Variants in CEP19 observed in about 807,000 individuals in gnomAD.
CEP19 encodes the protein centrosomal protein of 19 kDa.
In CEP19, 14 loss-of-function variants were observed where a neutral mutation model predicts 17.5. That is an observed-to-expected ratio of 0.80 (90% CI 0.53 to 1.25). The LOEUF (loss-of-function observed/expected upper bound fraction) is 1.25. Ranked by LOEUF, CEP19 falls within the 50% of genes most tolerant of loss-of-function variation. The pLI, the probability that CEP19 is intolerant of heterozygous loss-of-function variation, is 0.00. For missense variants in CEP19, 193 were observed against 192.0 expected (o/e 1.01, Z -0.03); for synonymous variants, 59 against 65.5 (o/e 0.90, Z 0.48).
intron 1 of CEP19, chr3:196,709,007 G>A (rs1363825111): frequency 4.8e-6 from 1 of 210,152 alleles, no homozygotes; most frequent in Non-Finnish European, 9.5e-6. Context: ...GTTCAGCTTG[G>A]CCCTGGGTTA....
chr3:196,711,379 G>A (rs1296941895), intron 1 of CEP19, among the ~76,000 whole-genome samples: 1 of 151,386 alleles, frequency 6.6e-6, no homozygotes, highest in Non-Finnish European at 1.5e-5. Flanking sequence ...AGGCTGCAGT[G>A]CAGTGGCGTG....
At chr3:196,708,226 G>C (rs1469629844) in intron 2 of CEP19, among the ~76,000 whole-genome samples, 1 of 152,164 alleles carries the variant, frequency 6.6e-6, no homozygotes, top group Non-Finnish European at 1.5e-5. Context: ...ATAGCTTTTA[G>C]ATAGCAGTAG....
chr3:196,710,438 G>C (rs9875088), intron 1 of CEP19, among the ~76,000 whole-genome samples: 47,791 of 151,786 alleles, frequency 0.31, 7,809 homozygotes, highest in Non-Finnish European at 0.34. Context: ...CCAGCTACTC[G>C]AGAGGCCAAG....
chr3:196,709,343 C>T (rs1711661513), intron 1 of CEP19, among the ~76,000 whole-genome samples: 1 of 152,058 alleles, frequency 6.6e-6, no homozygotes, highest in South Asian at 2.1e-4. Flanking sequence ...AGTTTTTTGT[C>T]ATTATTTATT....
rs766085159 is a variant in CEP19 at position 196,707,887 on chromosome 3, T to C, written c.156A>G (p.Leu52=). 1.9e-6 allele frequency: 3 copies of C among 1,612,104 alleles called. No homozygotes were observed. Among genetic ancestry groups the C allele is most frequent in the African/African-American group, 2.7e-5 (2 of 75,044 alleles). The part of the protein sequence containing the change: ...FSDCTRAAEQ[L]KNNPRHKSYL... ...AACTCTTGTGTCGCGGATTATTCTT[T>C]AATTGTTCAGCAGCTCTGGTGCAAT... The change falls in exon 3 of 3, where the codon TTA becomes TTG. Residue 52 remains leucine, a synonymous_variant. Coordinates refer to ENST00000409690, the MANE Select transcript of CEP19 (RefSeq NM_032898.5).
In CEP19 at chr3:196,707,602, G is replaced by T; in HGVS notation, c.441C>A (p.Asp147Glu). Residue 147 changes from aspartate (D) to glutamate (E), a missense_variant, in exon 3 of 3, where the codon GAC becomes GAA. Transcript: ENST00000409690. ...CCCAGCCACAGGACTGCAGTTGATC[G>T]TCCTGTGGAAATTCAACCTCAATGT... Reference protein sequence around the residue: ...VYDIEVEFPQDDQLQSCGWDT... With the variant: ...VYDIEVEFPQEDQLQSCGWDT... The T allele has an allele frequency of 6.2e-7, 1 of 1,613,478 alleles. No homozygotes were observed. The highest frequency in any genetic ancestry group is 1.1e-5 in the South Asian group (1 of 91,066).
Position 196,706,562 on chromosome 3 carries a change from G to A in CEP19, c.*989C>T, listed in dbSNP as rs1334321081. On this transcript the variant is annotated 3_prime_UTR_variant, in exon 3 of 3. Coordinates refer to ENST00000409690, the MANE Select transcript of CEP19 (RefSeq NM_032898.5). The stretch of plus-strand genomic sequence containing the variant: ...AGTATGTATTTCCCGATACCGGAGG[G>A]GCAGAATTCCCCCTCTGTCCATCAA... 1.3e-5 allele frequency: 2 copies of A among 151,990 alleles called. No homozygotes were observed. The highest frequency in any genetic ancestry group is 2.9e-5 in the Non-Finnish European group (2 of 68,014). 9.4% of individuals were successfully genotyped at this position (151,990 alleles called of 1,614,324 possible). A position where few individuals can be genotyped will look rare whatever the true frequency, so the allele number is the denominator to read the frequency against.
At chr3:196,711,546 G>A (rs373676340) in intron 1 of CEP19, among the ~76,000 whole-genome samples, 5 of 152,098 alleles carry the variant, frequency 3.3e-5, no homozygotes, top group Admixed American at 1.3e-4. Flanking sequence ...GGCTGGTCTC[G>A]AACTCCTGAC....
intron 1 of CEP19, among the ~76,000 whole-genome samples, chr3:196,710,485 CA>C (rs1371065556): frequency 7.9e-5 from 12 of 152,230 alleles, no homozygotes; most frequent in Admixed American, 7.9e-4. Flanking sequence ...GCGGAGGTTG[CA>C]GTGAGCTGAG....
rs1440828993 is a variant in CEP19, at chr3:196,706,439, C to G, written c.*1112G>C. 6.6e-6 allele frequency: 1 copy of G among 152,222 alleles called. No individual in the cohort carries two copies. The highest frequency in any genetic ancestry group is 1.5e-5 in the Non-Finnish European group (1 of 68,038). 9.4% of individuals were successfully genotyped at this position (152,222 alleles called of 1,614,324 possible). ...AGATCCATTCATGAACAGGCCTAAA[C>G]TGGCAGTGCCTATTGTTCATTTATT... On this transcript the variant is annotated 3_prime_UTR_variant, in exon 3 of 3. Transcript: ENST00000409690.
rs12635551 is a variant in CEP19 at position 196,707,134 on chromosome 3, G to A, written c.*417C>T. 0.11 allele frequency: 16,209 copies of A among 153,494 alleles called. 1,964 individuals carry two copies. Among genetic ancestry groups the A allele is most frequent in the East Asian group, 0.56 (2,890 of 5,186 alleles). 9.5% of individuals were successfully genotyped at this position (153,494 alleles called of 1,614,324 possible). A position where few individuals can be genotyped will look rare whatever the true frequency, so the allele number is the denominator to read the frequency against. ...CAACCTCAGCCTCCCAGGTTCAAGC[G>A]AATCTCCTGCCTCAGCCTCCTGAGT... is the stretch of plus-strand genomic sequence containing the variant. On this transcript the variant is annotated 3_prime_UTR_variant, in exon 3 of 3. Transcript: ENST00000409690.
Position 196,707,568 on chromosome 3 carries a change from A to T in CEP19, c.475T>A (p.Ser159Thr), listed in dbSNP as rs1282301973. ...QLQSCGWDTE[S>T]ADEF ...GTTTGGTATCAGAACTCATCAGCTG[A>T]CTCTGTGTCCCAGCCACAGGACTGC... The change falls in exon 3 of 3, where the codon TCA (serine) becomes ACA (threonine). Residue 159 changes from serine (S) to threonine (T), a missense_variant. Transcript: ENST00000409690. The T allele has an allele frequency of 1.2e-6, 2 of 1,609,682 alleles. No homozygotes were observed. The highest frequency in any genetic ancestry group is 1.7e-5 in the Admixed American group (1 of 59,768).
chr3:196,708,865 A>T (rs1402284010), intron 1 of CEP19, 138 bp from the exon 2 acceptor site: 2 of 550,982 alleles, frequency 3.6e-6, no homozygotes, highest in African/African-American at 3.8e-5. Context: ...AAATTAAAAT[A>T]CGGACTGCTT....
chr3:196,711,869 A>G (rs974545847), intron 1 of CEP19, 60 bp downstream of exon 1: 5 of 717,030 alleles, frequency 7.0e-6, no homozygotes, highest in African/African-American at 1.7e-5. Flanking sequence ...GAATGTCCCC[A>G]AAGAGTAGAC....
chr3:196,708,905 G>T (rs1577660331), intron 1 of CEP19, 178 bp from the exon 2 acceptor site: 2 of 476,024 alleles, frequency 4.2e-6, no homozygotes, highest in African/African-American at 3.9e-5. Context: ...CTTGCGCAGG[G>T]GCCATGCTGA....
rs937352982 is a variant in CEP19, at chr3:196,706,608, T to C, written c.*943A>G. ...ATCAAGTGACATCTGCTTGCAGCTGTAGGGAATTTTGCAGGGTACTCTTTT... is the reference window on the plus strand; with the variant it reads ...ATCAAGTGACATCTGCTTGCAGCTGCAGGGAATTTTGCAGGGTACTCTTTT... On this transcript the variant is annotated 3_prime_UTR_variant, in exon 3 of 3. Coordinates refer to ENST00000409690, the MANE Select transcript of CEP19 (RefSeq NM_032898.5). The C allele has an allele frequency of 2.0e-5, 3 of 152,192 alleles. No homozygotes were observed. Among genetic ancestry groups the C allele is most frequent in the African/African-American group, 4.8e-5 (2 of 41,438 alleles). The allele number at this position is 152,192 out of a possible 1,614,324, so 9.4% of individuals were successfully genotyped here.
In CEP19 at chr3:196,712,226, G is replaced by T. The variant is rs940862054; in HGVS notation, c.-368C>A. Reference sequence around the variant, plus strand: ...GGGATTCCAGGTCCCGGCGAGCGCTGGCCTAGCGGTTTCCACAGCGACAGG... The same window carrying T: ...GGGATTCCAGGTCCCGGCGAGCGCTTGCCTAGCGGTTTCCACAGCGACAGG... On this transcript the variant is annotated 5_prime_UTR_variant, in exon 1 of 3. Coordinates refer to ENST00000409690, the MANE Select transcript of CEP19 (RefSeq NM_032898.5). 7 of 511,396 alleles carry T rather than the reference G, an allele frequency of 1.4e-5. No homozygotes were observed. The highest frequency in any genetic ancestry group is 1.2e-4 in the African/African-American group (6 of 51,248). The allele number at this position is 511,396 out of a possible 1,614,324, so 31.7% of individuals were successfully genotyped here.
rs755223201 is a variant in CEP19 at position 196,708,653 on chromosome 3, A to G, written c.5T>C (p.Met2Thr). 2 of 1,614,030 alleles carry G rather than the reference A, an allele frequency of 1.2e-6. No homozygotes were observed. The highest frequency in any genetic ancestry group is 8.5e-7 in the Non-Finnish European group (1 of 1,179,914). Residue 2 changes from methionine (M) to threonine (T), a missense_variant, in exon 2 of 3, where the codon ATG becomes ACG. Met to Thr is a moderately conservative substitution (Grantham distance 81, BLOSUM62 -1). Coordinates refer to ENST00000409690, the MANE Select transcript of CEP19 (RefSeq NM_032898.5). ...AATCCCACATTTCTTGGCAGTGCAC[A>G]TCATTCCCATGTACATGTCCGGGTA... M[M>T]CTAKKCGIRF... is the part of the protein sequence containing the mutation.
Position 196,707,875 on chromosome 3 carries a change from CGG to C in CEP19, c.166_167del (p.Pro56AlafsTer44). 1 of 1,612,980 alleles carries C rather than the reference CGG, an allele frequency of 6.2e-7. No homozygotes were observed. On this transcript the variant is annotated frameshift_variant, in exon 3 of 3. Coordinates refer to ENST00000409690, the MANE Select transcript of CEP19 (RefSeq NM_032898.5). LOFTEE classifies it high-confidence loss of function. ...CTTGTTCTAGGTAACTCTTGTGTCGCGGATTATTCTTTAATTGTTCAGCAGCT... is the reference window on the plus strand; with the variant it reads ...CTTGTTCTAGGTAACTCTTGTGTCGCATTATTCTTTAATTGTTCAGCAGCT... ...TRAAEQLKNN[P>X]RHKSYLEQVS...
Sources: gnomAD v4.1 joint callset for allele counts (sites outside exome capture counted in the v4.1 genomes callset) on GRCh38, gnomAD v4.1.1 for gene constraint, MANE v1.5 for transcripts, NCBI Gene and HGNC (gene_info 2026-07-23, HGNC 2026-07-21) for gene names.